Variants in EP400 observed in about 807,000 individuals in gnomAD.
EP400 encodes the protein E1A-binding protein p400.
EP400 carries 105 observed loss-of-function variants against 354.1 expected under a neutral mutation model. The ratio of observed to expected loss-of-function variants is 0.30; its 90% CI spans 0.25 to 0.35. The LOEUF (loss-of-function observed/expected upper bound fraction) is 0.35, where lower values mean the gene tolerates loss of function less well. Among genes scored for constraint, EP400 ranks in the 10% least tolerant of loss-of-function variants. EP400 has a pLI of 1.00. For missense variants in EP400, 3,280 were observed against 4,121.0 expected, an observed-to-expected ratio of 0.80 and a Z score of 5.59; for synonymous variants, 1,646 against 1,716.9, an observed-to-expected ratio of 0.96 and a Z score of 1.02.
At chr12:131,988,791 C>T (rs1892941253) in intron 7 of EP400, among the ~76,000 whole-genome samples, 1 of 152,128 alleles carries the variant, frequency 6.6e-6, no homozygotes, top group African/African-American at 2.4e-5. Flanking sequence ...GTTTCTTGGG[C>T]CCTAGGGTCT....
intron 15 of EP400, among the ~76,000 whole-genome samples, chr12:132,009,365 G>A (rs1400812996): frequency 6.6e-6 from 1 of 152,178 alleles, no homozygotes; most frequent in Non-Finnish European, 1.5e-5. Context: ...TCTAGGTCCT[G>A]AGGTTGCAGC....
chr12:132,046,067 G>GTGTC (rs778957820), intron 39 of EP400, among the ~76,000 whole-genome samples, 167 bp downstream of exon 39: 4 of 152,348 alleles, frequency 2.6e-5, no homozygotes, highest in Non-Finnish European at 4.4e-5. Context: ...GCGAGGTCAG[G>GTGTC]TGTCTGCACT....
At chr12:131,971,444 G>A (rs1892285323) in intron 2 of EP400, among the ~76,000 whole-genome samples, 1 of 152,182 alleles carries the variant, frequency 6.6e-6, no homozygotes, top group Non-Finnish European at 1.5e-5. Context: ...AGTGAACACA[G>A]GAGTGCAGAT....
rs763599823 is a variant in EP400 at position 132,062,584 on chromosome 12, G to GCAGCAGCAGCAA, written c.8225_8226insGCAACAGCAGCA (p.Gln2745_Gln2748dup). 8.1e-6 allele frequency: 13 copies of GCAGCAGCAGCAA among 1,600,574 alleles called. No homozygotes were observed. Among genetic ancestry groups the GCAGCAGCAGCAA allele is most frequent in the East Asian group, 4.5e-5 (2 of 44,550 alleles). Reference sequence around the variant, plus strand: ...AGCAGCAGCAGCAGCAGCAGCAGCAGCAGCAGCAACAGCAGCAGCAGCAAC... The same window carrying GCAGCAGCAGCAA: ...AGCAGCAGCAGCAGCAGCAGCAGCAGCAGCAGCAGCAACAGCAGCAACAGCAGCAGCAGCAAC... On this transcript the variant is annotated inframe_insertion, in exon 47 of 53. Transcript: ENST00000389561.
At chr12:132,063,969 C>A (rs886592109) in intron 47 of EP400, among the ~76,000 whole-genome samples, 2 of 151,170 alleles carry the variant, frequency 1.3e-5, no homozygotes, top group East Asian at 1.9e-4. Flanking sequence ...CTTTGACCCC[C>A]CCGGCCCACA....
At chr12:132,003,170 A>G (rs1275455829) in intron 12 of EP400, among the ~76,000 whole-genome samples, 1 of 150,554 alleles carries the variant, frequency 6.6e-6, no homozygotes, top group Non-Finnish European at 1.5e-5. Flanking sequence ...ACATAGCAAG[A>G]CCCCATCTCT....
intron 2 of EP400, among the ~76,000 whole-genome samples, chr12:131,964,270 C>A (rs1283745507): frequency 6.6e-6 from 1 of 152,146 alleles, no homozygotes; most frequent in East Asian, 1.9e-4. Context: ...AATTCGAGAC[C>A]AGCCTAGCCA....
chr12:132,037,887 C>G (rs1894769656), intron 31 of EP400, 66 bp from the exon 32 acceptor site: 29 of 1,612,270 alleles, frequency 1.8e-5, no homozygotes, highest in Non-Finnish European at 4.2e-6. Flanking sequence ...GGGCTTAGGT[C>G]TCCAGCTGAG....
intron 51 of EP400, chr12:132,076,146 G>A (rs1005926298): frequency 1.9e-5 from 7 of 368,810 alleles, no homozygotes; most frequent in Non-Finnish European, 3.2e-5. Flanking sequence ...CTGGAACGTC[G>A]TCCAGGCCTG....
rs1896312592 is a variant in EP400 at position 132,078,867 on chromosome 12, C to T, written c.*1194C>T. The stretch of plus-strand genomic sequence containing the variant: ...AAGCCCAGTATTTGCTACTGTTTTT[C>T]CTTTTTTTACTATGACAGGAAAATA... On this transcript the variant is annotated 3_prime_UTR_variant, in exon 53 of 53. Coordinates refer to ENST00000389561, the MANE Select transcript of EP400 (RefSeq NM_015409.5). 6.6e-6 allele frequency: 1 copy of T among 152,170 alleles called. No homozygotes were observed. The highest frequency in any genetic ancestry group is 1.5e-5 in the Non-Finnish European group (1 of 68,028). The allele number at this position is 152,170 out of a possible 1,614,324, so 9.4% of individuals were successfully genotyped here. A position where few individuals can be genotyped will look rare whatever the true frequency, so the allele number is the denominator to read the frequency against.
chr12:132,045,161 C>T (rs1161612811), intron 37 of EP400, among the ~76,000 whole-genome samples, 158 bp from the exon 38 acceptor site: 3 of 150,950 alleles, frequency 2.0e-5, no homozygotes, highest in Admixed American at 2.0e-4. Context: ...TCTAATTGAC[C>T]ATGAAGGCCC....
chr12:132,079,361 C>T lies in EP400; in HGVS notation c.*1688C>T, dbSNP rs1896321233. ...GTTCTAACCAACCCGTTCTCCCTGG[C>T]TTGGCACGTGCCGTGAGAGCGCAGC... On this transcript the variant is annotated 3_prime_UTR_variant, in exon 53 of 53. Coordinates refer to ENST00000389561, the MANE Select transcript of EP400 (RefSeq NM_015409.5). 1 of 152,294 alleles carries T rather than the reference C, an allele frequency of 6.6e-6. No homozygotes were observed. The highest frequency in any genetic ancestry group is 6.5e-5 in the Admixed American group (1 of 15,286). 9.4% of individuals were successfully genotyped at this position (152,294 alleles called of 1,614,324 possible).
chr12:131,990,742 A>C lies in EP400; in HGVS notation c.2629+28A>C, dbSNP rs777403702. The stretch of plus-strand genomic sequence containing the variant: ...AGGACCCTTTAAAAAAAGGCTCACC[A>C]CGCTTGGGTGGTATTTTGTTCGGAT... On this transcript the variant is annotated intron_variant, in intron 9 of 52. Transcript: ENST00000389561. The surrounding 1 kb of genome is among the most constrained non-coding windows in gnomAD (Gnocchi z 4.2). The C allele has an allele frequency of 2.6e-6, 4 of 1,528,366 alleles. No individual in the cohort carries two copies. In the South Asian group the frequency reaches 4.6e-5, roughly 18 times the overall value. 94.7% of individuals were successfully genotyped at this position (1,528,366 alleles called of 1,614,324 possible).
Position 132,029,975 on chromosome 12 carries a change from G to T in EP400, c.5585-14G>T. The T allele has an allele frequency of 2.5e-6, 4 of 1,613,686 alleles. No individual in the cohort carries two copies. Among genetic ancestry groups the T allele is most frequent in the Non-Finnish European group, 3.4e-6 (4 of 1,179,992 alleles). On this transcript the variant is annotated splice_polypyrimidine_tract_variant and intron_variant, in intron 28 of 52. Coordinates refer to ENST00000389561, the MANE Select transcript of EP400 (RefSeq NM_015409.5). This position sits in a 1 kb window ranked among gnomAD's most constrained non-coding sequence, Gnocchi z 4.7. ...CTGGATGATGAGGCGCTCTTGATGT[G>T]ATTCGTTTCCCAGGGAAGTTGGAAG...
rs145518921 is a variant in EP400, at chr12:132,072,414, A to C, written c.9021+2773A>C. 5.9e-3 allele frequency among the ~76,000 whole-genome samples: 895 copies of C among 152,022 alleles called. 16 individuals carry two copies. In the South Asian group the frequency reaches 0.061, roughly 10 times the overall value. On this transcript the variant is annotated intron_variant, in intron 51 of 52. Coordinates refer to ENST00000389561, the MANE Select transcript of EP400 (RefSeq NM_015409.5). ...TTTTGAATTTCCATTTTGATTTCTT[A>C]TTTACTGCCTGGGTTCTTTTTAGAA...
intron 2 of EP400, among the ~76,000 whole-genome samples, chr12:131,963,149 G>A (rs1393731368): frequency 6.6e-6 from 1 of 152,130 alleles, no homozygotes; most frequent in Non-Finnish European, 1.5e-5. Context: ...AAACAAATTC[G>A]TTTTTCCAAC....
rs147367120 is a variant in EP400, at chr12:132,077,439, G to T, written c.9138G>T (p.Ala3046=). 2 of 1,612,870 alleles carry T rather than the reference G, an allele frequency of 1.2e-6. No homozygotes were observed. Among genetic ancestry groups the T allele is most frequent in the Admixed American group, 3.3e-5 (2 of 60,014 alleles). Reference sequence around the variant, plus strand: ...CTGTGGCGCTCACGCAGGCGACGGCGGCCGGGCAGCAGGTGCAGATGATCC... The same window carrying T: ...CTGTGGCGCTCACGCAGGCGACGGCTGCCGGGCAGCAGGTGCAGATGATCC... The part of the protein sequence containing the change: ...PQTVALTQAT[A]AGQQVQMIPA... The change falls in exon 53 of 53, where the codon GCG becomes GCT. Residue 3046 remains alanine (A), a synonymous_variant. Coordinates refer to ENST00000389561, the MANE Select transcript of EP400 (RefSeq NM_015409.5).
chr12:132,065,042 G>A, intron 48 of EP400, 156 bp downstream of exon 48: 2 of 1,331,158 alleles, frequency 1.5e-6, no homozygotes, highest in Non-Finnish European at 2.0e-6. Context: ...CAGAGGACGG[G>A]ACTCACCACT....
intron 1 of EP400, among the ~76,000 whole-genome samples, chr12:131,951,538 T>C (rs1375523854): frequency 6.6e-6 from 1 of 152,208 alleles, no homozygotes; most frequent in Admixed American, 6.5e-5. Flanking sequence ...TATTCTTTTT[T>C]ACTTATTTGT....
Sources: gnomAD v4.1 joint callset for allele counts (sites outside exome capture counted in the v4.1 genomes callset) on GRCh38, gnomAD v4.1.1 for gene constraint, Gnocchi (gnomAD v3.1) non-coding constraint, MANE v1.5 for transcripts, NCBI Gene and HGNC (gene_info 2026-07-23, HGNC 2026-07-21) for gene names.